Variants in GLRA1 observed in about 807,000 individuals in gnomAD.
The protein encoded by GLRA1 is glycine receptor alpha 1.
Under a neutral mutation model 48.3 loss-of-function variants are expected in GLRA1, and 37 were observed. The observed-to-expected ratio is 0.77, with a 90% CI of 0.59 to 1.01. The LOEUF (loss-of-function observed/expected upper bound fraction) is 1.01, where lower values mean the gene tolerates loss of function less well. Among genes scored for constraint, GLRA1 ranks in the 50% least tolerant of loss-of-function variants. The pLI, the probability that GLRA1 is intolerant of heterozygous loss-of-function variation, is 0.00. For synonymous variants in GLRA1, 196 were observed against 210.7 expected (o/e 0.93, Z 0.60); for missense variants, 427 against 571.0 (o/e 0.75, Z 2.57).
intron 3 of GLRA1, among the ~76,000 whole-genome samples, chr5:151,867,954 G>A (rs1753379048): frequency 6.6e-6 from 1 of 152,208 alleles, no homozygotes; most frequent in African/African-American, 2.4e-5. Context: ...AGGAACCACT[G>A]TAGACAATTG....
Position 151,849,917 on chromosome 5 carries a change from C to T in GLRA1, c.912+1473G>A, listed in dbSNP as rs970540700. On this transcript the variant is annotated intron_variant, in intron 7 of 8. Transcript: ENST00000274576. ...CTCCAACAGTGACATGCATTTCATG[C>T]CTCCTGCCATGTTTTGGGATACCTT... is the stretch of plus-strand genomic sequence containing the variant. The T allele has an allele frequency of 6.3e-5, 97 of 1,537,252 alleles. No homozygotes were observed. In the African/African-American group the frequency reaches 1.3e-3, roughly 20 times the overall value.
intron 1 of GLRA1, among the ~76,000 whole-genome samples, chr5:151,911,652 C>T (rs1419983459): frequency 7.6e-6 from 1 of 131,550 alleles, no homozygotes; most frequent in East Asian, 2.2e-4. Context: ...TTTGCCCAGG[C>T]CGGAGTGCAG....
intron 3 of GLRA1, among the ~76,000 whole-genome samples, chr5:151,870,714 T>G (rs1018236220): frequency 6.7e-6 from 1 of 149,732 alleles, no homozygotes; most frequent in Non-Finnish European, 1.5e-5. Context: ...CCAACTTTCT[T>G]GCCATTAGAA....
chr5:151,863,953 A>T (rs1753268025), intron 3 of GLRA1, among the ~76,000 whole-genome samples: 1 of 152,200 alleles, frequency 6.6e-6, no homozygotes, highest in Admixed American at 6.5e-5. Flanking sequence ...ATAGAAAGTG[A>T]CATTTGGCCT....
intron 1 of GLRA1, among the ~76,000 whole-genome samples, chr5:151,907,982 ATTG>A (rs758191519): frequency 3.3e-5 from 5 of 152,208 alleles, no homozygotes; most frequent in Non-Finnish European, 7.3e-5. Flanking sequence ...TATGCTAATA[ATTG>A]TTGTCCATAA....
At chr5:151,841,684 G>A (rs1763715263) in intron 7 of GLRA1, among the ~76,000 whole-genome samples, 1 of 152,116 alleles carries the variant, frequency 6.6e-6, no homozygotes, top group South Asian at 2.1e-4. Context: ...GATTATAAGG[G>A]AATACTTTGA....
chr5:151,849,159 TTTC>T (rs1411288034), intron 7 of GLRA1: 2 of 117,046 alleles, frequency 1.7e-5, no homozygotes, highest in Non-Finnish European at 2.9e-5. Context: ...TTTCTTTTCT[TTTC>T]TTTTCTTTCT....
intron 7 of GLRA1, among the ~76,000 whole-genome samples, chr5:151,838,501 A>G (rs950638622): frequency 3.9e-5 from 6 of 152,252 alleles, no homozygotes; most frequent in Middle Eastern, 3.4e-3. Context: ...AACCAAATAG[A>G]AATTCTGGAG....
intron 1 of GLRA1, among the ~76,000 whole-genome samples, chr5:151,916,379 C>T (rs1023592814): frequency 2.1e-4 from 32 of 152,326 alleles, no homozygotes; most frequent in African/African-American, 5.5e-4. Flanking sequence ...GCAGCCTTGC[C>T]GCATTCCTCT....
chr5:151,864,529 G>A (rs1249963993), intron 3 of GLRA1, among the ~76,000 whole-genome samples: 1 of 152,204 alleles, frequency 6.6e-6, no homozygotes, highest in Non-Finnish European at 1.5e-5. Flanking sequence ...CCTCTAGTGA[G>A]CACTTGTGAT....
chr5:151,848,116 C>T (rs1049444324), intron 7 of GLRA1, among the ~76,000 whole-genome samples: 1 of 152,204 alleles, frequency 6.6e-6, no homozygotes, highest in Non-Finnish European at 1.5e-5. Context: ...TAGAAAGGGC[C>T]TGCTTGCAAG....
intron 3 of GLRA1, among the ~76,000 whole-genome samples, chr5:151,864,053 A>G (rs1016919363): frequency 3.9e-5 from 6 of 152,134 alleles, no homozygotes; most frequent in African/African-American, 1.2e-4. Flanking sequence ...ATGGTAATGG[A>G]TAACTCCCAT....
At position 151,885,198 on chromosome 5, in the gene GLRA1, A is replaced by G. The variant is rs114765143; in HGVS notation, c.252+1523T>C. ...TCTCCATAAATGCTTAGGACCAAAT[A>G]CTGGTTTTAATTGATAAGCAATATA... On this transcript the variant is annotated intron_variant, in intron 3 of 8. Transcript: ENST00000274576. Among the ~76,000 whole-genome samples the G allele has an allele frequency of 5.7e-3, 874 of 152,352 alleles. 11 individuals are homozygous for G. The highest frequency in any genetic ancestry group is 0.02 in the African/African-American group (845 of 41,576).
In GLRA1 at chr5:151,829,073, GT is replaced by G; in HGVS notation, c.913-7del. On this transcript the variant is annotated splice_region_variant and splice_polypyrimidine_tract_variant and intron_variant, in intron 7 of 8. Transcript: ENST00000274576. Reference sequence around the variant, plus strand: ...ATGGCTTTCACATAGGACACCTAGAGTGGGGGTGGAGGAGAAACAGGGAGGT... The same window carrying G: ...ATGGCTTTCACATAGGACACCTAGAGGGGGGTGGAGGAGAAACAGGGAGGT... The G allele has an allele frequency of 6.2e-7, 1 of 1,613,626 alleles. No individual in the cohort carries two copies. The highest frequency in any genetic ancestry group is 8.5e-7 in the Non-Finnish European group (1 of 1,179,794).
chr5:151,880,657 C>G (rs535357811), intron 3 of GLRA1, among the ~76,000 whole-genome samples: 2 of 152,230 alleles, frequency 1.3e-5, no homozygotes, highest in Non-Finnish European at 2.9e-5. Flanking sequence ...TACACAAATT[C>G]CAGCAATATA....
At chr5:151,905,993 G>T (rs1043496245) in intron 1 of GLRA1, among the ~76,000 whole-genome samples, 2 of 152,062 alleles carry the variant, frequency 1.3e-5, no homozygotes, top group African/African-American at 4.8e-5. Flanking sequence ...CTTACATTTT[G>T]CAAGCATTCC....
intron 6 of GLRA1, among the ~76,000 whole-genome samples, chr5:151,852,432 G>A (rs184260999): frequency 1.1e-4 from 17 of 152,318 alleles, no homozygotes; most frequent in African/African-American, 3.8e-4. Flanking sequence ...TACAGTGAGT[G>A]AATGGGCAAG....
intron 1 of GLRA1, among the ~76,000 whole-genome samples, chr5:151,902,423 T>C (rs942979186): frequency 2.2e-4 from 34 of 152,178 alleles, no homozygotes; most frequent in Non-Finnish European, 3.7e-4. Context: ...ACTTCCTCTG[T>C]AGTCAACTTG....
intron 3 of GLRA1, among the ~76,000 whole-genome samples, chr5:151,860,997 A>G (rs1215013393): frequency 2.0e-5 from 3 of 152,088 alleles, no homozygotes; most frequent in African/African-American, 7.2e-5. Context: ...TGTCCTTGCA[A>G]TAGTTTGCTG....
Sources: gnomAD v4.1 joint callset for allele counts (sites outside exome capture counted in the v4.1 genomes callset) on GRCh38, gnomAD v4.1.1 for gene constraint, MANE v1.5 for transcripts, NCBI Gene and HGNC (gene_info 2026-07-23, HGNC 2026-07-21) for gene names.